Variants in PTGR2 observed in about 807,000 individuals in gnomAD.
PTGR2 encodes 15-oxoprostaglandin 13-reductase.
A neutral mutation model predicts 43.4 loss-of-function variants in PTGR2; 32 were observed. The observed-to-expected ratio is 0.74, with a 90% CI of 0.56 to 0.99. The LOEUF is 0.99. Ranked by LOEUF, PTGR2 falls within the 50% of genes least tolerant of loss-of-function variation. The pLI, the probability that PTGR2 is intolerant of heterozygous loss-of-function variation, is 0.00. For synonymous variants in PTGR2, 106 were observed against 139.2 expected (o/e 0.76, Z 1.68); for missense variants, 373 against 420.0 (o/e 0.89, Z 0.98).
chr14:73,880,660 A>G (rs969928543), intron 7 of PTGR2, among the ~76,000 whole-genome samples: 1 of 152,076 alleles, frequency 6.6e-6, no homozygotes, highest in Non-Finnish European at 1.5e-5. Flanking sequence ...GGTTCTGGCT[A>G]ACTAGCTACC....
intron 1 of PTGR2, chr14:73,858,067 A>T (rs1213809637): frequency 1.3e-5 from 2 of 152,108 alleles, no homozygotes; most frequent in Admixed American, 1.3e-4. Flanking sequence ...TTATTTAAAA[A>T]CAAGTGCAGT....
chr14:73,881,971 T>C (rs943741437), intron 8 of PTGR2, among the ~76,000 whole-genome samples: 4 of 151,782 alleles, frequency 2.6e-5, no homozygotes, highest in African/African-American at 4.8e-5. Flanking sequence ...TTAGTAGAGA[T>C]GGGGTTTCAC....
chr14:73,874,801 T>G (rs541246212), intron 4 of PTGR2, among the ~76,000 whole-genome samples: 2 of 152,268 alleles, frequency 1.3e-5, no homozygotes, highest in South Asian at 4.1e-4. Context: ...AGATAAAGTC[T>G]CTCAGGTAAT....
chr14:73,884,410 G>A lies in PTGR2; in HGVS notation c.*233G>A. The A allele has an allele frequency of 3.3e-6, 1 of 299,100 alleles. No homozygotes were observed. Among genetic ancestry groups the A allele is most frequent in the Non-Finnish European group, 6.0e-6 (1 of 166,176 alleles). The allele number at this position is 299,100 out of a possible 1,614,324, so 18.5% of individuals were successfully genotyped here. A position where few individuals can be genotyped will look rare whatever the true frequency, so the allele number is the denominator to read the frequency against. On this transcript the variant is annotated 3_prime_UTR_variant, in exon 10 of 10. Transcript: ENST00000555661. ...TTTATTAATTTAAAATAGAACGCTT[G>A]AGAGGCACTTTGTAAAGATTTGTTA...
chr14:73,868,894 C>A (rs2054663140), intron 3 of PTGR2, among the ~76,000 whole-genome samples: 1 of 152,136 alleles, frequency 6.6e-6, no homozygotes, highest in Non-Finnish European at 1.5e-5. Flanking sequence ...TGTGCCCTCC[C>A]CTCTCGGCAA....
chr14:73,852,752 G>C (rs11844548), intron 1 of PTGR2, among the ~76,000 whole-genome samples: 4,849 of 152,164 alleles, frequency 0.032, 270 homozygotes, highest in African/African-American at 0.11. Context: ...GCAAGACTTC[G>C]GGAGGGGAAG....
rs201165669 is a variant in PTGR2 at position 73,882,355 on chromosome 14, A to G, written c.940-44A>G. 4.2e-6 allele frequency: 5 copies of G among 1,186,994 alleles called. No homozygotes were observed. In the Admixed American group the frequency reaches 7.7e-5, roughly 18 times the overall value. The allele number at this position is 1,186,994 out of a possible 1,614,324, so 73.5% of individuals were successfully genotyped here. On this transcript the variant is annotated intron_variant, in intron 8 of 9. Transcript: ENST00000555661. ...AGTATGGAAACTATCATATAGAAACATTGAAGTTTAAAGACTATTAAATCT... is the reference window on the plus strand; with the variant it reads ...AGTATGGAAACTATCATATAGAAACGTTGAAGTTTAAAGACTATTAAATCT...
At chr14:73,883,722 G>T (rs1445937475) in intron 9 of PTGR2, among the ~76,000 whole-genome samples, 1 of 151,634 alleles carries the variant, frequency 6.6e-6, no homozygotes, top group African/African-American at 2.4e-5. Context: ...CTGACTTCAA[G>T]TGATCCACCC....
chr14:73,878,731 G>A, intron 5 of PTGR2: 1 of 381,686 alleles, frequency 2.6e-6, no homozygotes, highest in Non-Finnish European at 5.0e-6. Flanking sequence ...ATTTTGCCCA[G>A]CCATAAGTGT....
intron 9 of PTGR2, among the ~76,000 whole-genome samples, chr14:73,883,782 G>A (rs567963203): frequency 2.0e-5 from 3 of 152,196 alleles, no homozygotes; most frequent in Admixed American, 1.3e-4. Flanking sequence ...CCCCATGCCC[G>A]GCCTTCACTC....
At chr14:73,882,133 G>A (rs967271232) in intron 8 of PTGR2, among the ~76,000 whole-genome samples, 4 of 152,082 alleles carry the variant, frequency 2.6e-5, no homozygotes, top group African/African-American at 9.7e-5. Context: ...TTGTACCTTT[G>A]TGTGCTTCTG....
In PTGR2 at chr14:73,884,855, T is replaced by C. The variant is rs756298318; in HGVS notation, c.*678T>C. 5.9e-5 allele frequency: 9 copies of C among 152,220 alleles called. No homozygotes were observed. Among genetic ancestry groups the C allele is most frequent in the South Asian group, 2.1e-4 (1 of 4,834 alleles). 9.4% of individuals were successfully genotyped at this position (152,220 alleles called of 1,614,324 possible). A position where few individuals can be genotyped will look rare whatever the true frequency, so the allele number is the denominator to read the frequency against. ...ACTCCAGAGGATCATCTCTTTGTAT[T>C]TGCCAAATAATTTACTGTATAGCCT... is the stretch of plus-strand genomic sequence containing the variant. On this transcript the variant is annotated 3_prime_UTR_variant, in exon 10 of 10. Coordinates refer to ENST00000555661, the MANE Select transcript of PTGR2 (RefSeq NM_001146154.2).
In PTGR2 at chr14:73,881,229, T is replaced by G. The variant is rs973365266; in HGVS notation, c.876T>G (p.Tyr292Ter). 9 of 1,609,242 alleles carry G rather than the reference T, an allele frequency of 5.6e-6. No individual in the cohort carries two copies. Among genetic ancestry groups the G allele is most frequent in the Non-Finnish European group, 7.7e-6 (9 of 1,175,696 alleles). Reference protein sequence around the residue: ...ITRERFLVLNYKDKFEPGILQ... With the variant: ...ITRERFLVLN ...GGGAAAGATTTCTGGTATTAAATTA[T>G]AAAGACAAATTTGAGCCTGGCATTC... Residue 292 changes from tyrosine (Y) to a stop codon, truncating the protein, a stop_gained, in exon 8 of 10, where the codon TAT (tyrosine) becomes TAG (stop). Coordinates refer to ENST00000555661, the MANE Select transcript of PTGR2 (RefSeq NM_001146154.2). LOFTEE classifies it high-confidence loss of function.
chr14:73,868,115 C>T (rs1400559975), intron 3 of PTGR2, among the ~76,000 whole-genome samples: 2 of 152,048 alleles, frequency 1.3e-5, no homozygotes, highest in Non-Finnish European at 2.9e-5. Flanking sequence ...AGTGAAACCC[C>T]GTCTCTACTA....
chr14:73,876,923 TA>T lies in PTGR2; in HGVS notation c.349-73del, dbSNP rs1277845730. ...TGTTGTGGGGACGCAATTCAGTCCA[TA>T]ACACGTTGTCTCTACTTTGTTGTCT... On this transcript the variant is annotated intron_variant, in intron 4 of 9. Transcript: ENST00000555661. The T allele has an allele frequency of 2.3e-5, 26 of 1,124,710 alleles. No homozygotes were observed. The African/African-American group carries it at 3.3e-4, about 14-fold the overall frequency. 69.7% of individuals were successfully genotyped at this position (1,124,710 alleles called of 1,614,324 possible). A position where few individuals can be genotyped will look rare whatever the true frequency, so the allele number is the denominator to read the frequency against.
chr14:73,877,248 A>G (rs1358034715), intron 5 of PTGR2, 80 bp downstream of exon 5: 3 of 1,236,786 alleles, frequency 2.4e-6, no homozygotes, highest in Non-Finnish European at 3.4e-6. Flanking sequence ...GGATATATGT[A>G]TACCATTAAA....
At chr14:73,857,662 G>GTGTTTTTTTTT (rs2054382614) in intron 1 of PTGR2, among the ~76,000 whole-genome samples, 1 of 58,802 alleles carries the variant, frequency 1.7e-5, no homozygotes, top group South Asian at 7.2e-4. Flanking sequence ...TAAGCAGTTA[G>GTGTTTTTTTTT]TGTTTTTTTT....
At position 73,879,268 on chromosome 14, in the gene PTGR2, ATGT is replaced by A. The variant is rs1466226035; in HGVS notation, c.695_697del (p.Val232del). ...GCTGGAGTGGATGTTTATTTTGACA[ATGT>A]TGGTGGTAACATCAGTGATACAGTG... On this transcript the variant is annotated inframe_deletion, in exon 6 of 10. Transcript: ENST00000555661. The A allele has an allele frequency of 6.2e-7, 1 of 1,613,988 alleles. No individual in the cohort carries two copies. Among genetic ancestry groups the A allele is most frequent in the African/African-American group, 1.3e-5 (1 of 74,926 alleles).
At chr14:73,879,046 A>G (rs750642488) in intron 5 of PTGR2, 50 bp from the exon 6 acceptor site, 1 of 1,460,336 alleles carries the variant, frequency 6.8e-7, no homozygotes, top group Non-Finnish European at 9.6e-7. Context: ...ACATTTTTAC[A>G]TTTAAATGTG....
Sources: allele counts gnomAD v4.1 joint callset (sites outside exome capture counted in the v4.1 genomes callset), GRCh38; gene constraint gnomAD v4.1.1; transcripts MANE v1.5; gene names NCBI Gene and HGNC (gene_info 2026-07-23, HGNC 2026-07-21).